MYH13: variants seen among roughly 807,000 people sequenced by gnomAD.
MYH13 encodes myosin-13.
In MYH13, 177 loss-of-function variants were observed where a neutral mutation model predicts 232.1. The ratio of observed to expected loss-of-function variants is 0.76; its 90% confidence interval spans 0.67 to 0.86. The LOEUF (loss-of-function observed/expected upper bound fraction) is 0.86, where lower values mean the gene tolerates loss of function less well. Ranked by LOEUF, MYH13 falls within the 40% of genes least tolerant of loss-of-function variation. The pLI is 0.00. For missense variants in MYH13, 2,246 were observed against 2,405.9 expected (o/e 0.93, Z 1.39); for synonymous variants, 884 against 923.5 (o/e 0.96, Z 0.78).
At chr17:10,354,538 C>T in intron 11 of MYH13, 142 bp downstream of exon 11, 1 of 758,064 alleles carries the variant, frequency 1.3e-6, no homozygotes, top group Non-Finnish European at 2.1e-6. Flanking sequence ...TGCTAATTCT[C>T]TGAGCTCTTG....
intron 12 of MYH13, among the ~76,000 whole-genome samples, chr17:10,348,857 CA>C (rs2071687810): frequency 6.6e-6 from 1 of 152,104 alleles, no homozygotes; most frequent in African/African-American, 2.4e-5. Flanking sequence ...CAAACTGATG[CA>C]AAAATTGTTA....
At chr17:10,312,191 T>G in intron 31 of MYH13, 115 bp from the exon 32 acceptor site, 1 of 1,173,000 alleles carries the variant, frequency 8.5e-7, no homozygotes, top group Non-Finnish European at 1.2e-6. Flanking sequence ...CCTTAGGGAC[T>G]GAAGAAGGAG....
intron 18 of MYH13, among the ~76,000 whole-genome samples, chr17:10,336,974 G>A (rs921148631): frequency 1.6e-4 from 24 of 150,834 alleles, no homozygotes; most frequent in African/African-American, 5.1e-4. Context: ...CTGGAGTGCA[G>A]TGGTGCAGTC....
At position 10,355,125 on chromosome 17, in the gene MYH13, A is replaced by G. The variant is rs766724928; in HGVS notation, c.761T>C (p.Phe254Ser). The change falls in exon 9 of 41, where the codon TTT becomes TCT. Residue 254 changes from phenylalanine (F) to serine (S), a missense_variant. Coordinates refer to ENST00000252172, the MANE Select transcript of MYH13 (RefSeq NM_003802.3). ...CGATGCCAGCTTTCCTGTGGCTCCA[A>G]AATGAATCCGAATGAACTTCCCCTG... ...SRFGKFIRIH[F>S]GATGKLASAD... 5 of 1,585,784 alleles carry G rather than the reference A, an allele frequency of 3.2e-6. No individual in the cohort carries two copies. In the South Asian group the frequency reaches 5.7e-5, roughly 18 times the overall value.
At chr17:10,332,330 A>C in intron 19 of MYH13, 108 bp from the exon 20 acceptor site, 1 of 1,409,638 alleles carries the variant, frequency 7.1e-7, no homozygotes, top group Non-Finnish European at 9.9e-7. Context: ...AGGAAGTGGA[A>C]TACTGTACAG....
At chr17:10,315,614 G>T in intron 29 of MYH13, 79 bp downstream of exon 29, 4 of 1,272,368 alleles carry the variant, frequency 3.1e-6, no homozygotes, top group Non-Finnish European at 4.5e-6. Context: ...TCTTGATGTA[G>T]CACTGCTCTG....
rs1242799506 is a variant in MYH13, at chr17:10,332,030, T to A, written c.2298+69A>T. The A allele has an allele frequency of 3.8e-6, 6 of 1,582,920 alleles. No homozygotes were observed. The African/African-American group carries it at 8.1e-5, about 21-fold the overall frequency. On this transcript the variant is annotated intron_variant, in intron 20 of 40. Transcript: ENST00000252172. ...ACCAAAAGGAGAAGGGGACCCTTTT[T>A]CTGATCAGCTAAGAAGCAGCCCAGG...
Position 10,350,536 on chromosome 17 carries a change from C to A in MYH13, c.1144+20G>T, listed in dbSNP as rs1258389941. On this transcript the variant is annotated intron_variant, in intron 12 of 40. Transcript: ENST00000252172. ...GAACATAGATGGACCCAATCGCATC[C>A]CTTTCCCAGATGCAGTTACCTTCGG... The A allele has an allele frequency of 3.7e-6, 6 of 1,609,456 alleles. No individual in the cohort carries two copies. Among genetic ancestry groups the A allele is most frequent in the Middle Eastern group, 2.1e-4 (1 of 4,730 alleles).
intron 11 of MYH13, 46 bp from the exon 12 acceptor site, chr17:10,350,740 C>T: frequency 6.2e-7 from 1 of 1,610,614 alleles, no homozygotes; most frequent in Non-Finnish European, 8.5e-7. Flanking sequence ...ATCAGGGATC[C>T]ATATGCAGCC....
intron 12 of MYH13, among the ~76,000 whole-genome samples, chr17:10,347,861 G>A (rs1454839541): frequency 1.3e-5 from 2 of 151,896 alleles, no homozygotes; most frequent in African/African-American, 2.4e-5. Context: ...GGGATTACAG[G>A]CACCCACCAC....
rs1049263399 is a variant in MYH13, at chr17:10,304,653, T to C, written c.5467-1155A>G. 6.6e-6 allele frequency among the ~76,000 whole-genome samples: 1 copy of C among 152,216 alleles called. No individual in the cohort carries two copies. The highest frequency in any genetic ancestry group is 6.5e-5 in the Admixed American group (1 of 15,284). ...GCCCACTTGATAGACCCAAAGCAAG[T>C]CAGTCGCCACCACTGAGCATGAGTT... On this transcript the variant is annotated intron_variant, in intron 37 of 40. Coordinates refer to ENST00000252172, the MANE Select transcript of MYH13 (RefSeq NM_003802.3). This position sits in a 1 kb window ranked among gnomAD's most constrained non-coding sequence, Gnocchi z 5.3.
At chr17:10,372,287 C>CCTTCCGTAAAATGAATCAGATGCA (rs1415429774) in intron 1 of MYH13, among the ~76,000 whole-genome samples, 35 of 152,164 alleles carry the variant, frequency 2.3e-4, no homozygotes, top group Non-Finnish European at 3.1e-4. Flanking sequence ...GTTTCTGTTT[C>CCTTCCGTAAAATGAATCAGATGCA]CTTCCGTAAA....
chr17:10,354,072 A>G (rs1333632945), intron 11 of MYH13, among the ~76,000 whole-genome samples: 1 of 152,212 alleles, frequency 6.6e-6, no homozygotes, highest in Non-Finnish European at 1.5e-5. Flanking sequence ...CATAATTTTG[A>G]GACTATAATG....
rs578164269 is a variant in MYH13 at position 10,370,366 on chromosome 17, C to A, written c.-13+843G>T. ...ATAAACTTCACCTTGTTAGATCTGA[C>A]CCAAGTCTCTAGGCATGACTCATGC... is the stretch of plus-strand genomic sequence containing the variant. On this transcript the variant is annotated intron_variant, in intron 2 of 40. Coordinates refer to ENST00000252172, the MANE Select transcript of MYH13 (RefSeq NM_003802.3). Among the ~76,000 whole-genome samples, 50 of 152,304 alleles carry A rather than the reference C, an allele frequency of 3.3e-4. 1 individual carries two copies. Among genetic ancestry groups the A allele is most frequent in the Admixed American group, 2.0e-3 (31 of 15,302 alleles).
chr17:10,319,008 C>T lies in MYH13; in HGVS notation c.3520G>A (p.Glu1174Lys). ...QIEMNKKREA[E>K]FQKMRRDLEE... is the part of the protein sequence containing the mutation. ...AGGTCCCTGCGCATTTTCTGGAACT[C>T]AGCCTCCCTCTTCTTGTTCATCTCA... Residue 1174 changes from glutamate (E) to lysine (K), a missense_variant, in exon 27 of 41, where the codon GAG becomes AAG. Transcript: ENST00000252172. 2 of 1,614,136 alleles carry T rather than the reference C, an allele frequency of 1.2e-6. No homozygotes were observed. Among genetic ancestry groups the T allele is most frequent in the Non-Finnish European group, 1.7e-6 (2 of 1,180,040 alleles).
At chr17:10,322,627 G>GTTTTTT (rs1470854182) in intron 23 of MYH13, among the ~76,000 whole-genome samples, 2 of 130,850 alleles carry the variant, frequency 1.5e-5, no homozygotes, top group Non-Finnish European at 3.2e-5. Context: ...CAATGTTACA[G>GTTTTTT]TTGTTTTTTT....
At chr17:10,334,165 CA>C (rs1555550598) in intron 18 of MYH13, among the ~76,000 whole-genome samples, 3 of 152,122 alleles carry the variant, frequency 2.0e-5, no homozygotes, top group South Asian at 4.1e-4. Flanking sequence ...GGTTAGAGGA[CA>C]GGGGCTACGG....
rs1164342553 is a variant in MYH13, at chr17:10,303,492, C to T, written c.5473G>A (p.Glu1825Lys). ...QIQKLENRVR[E>K]LENELDVEQK... ...TCCACATCAAGCTCATTTTCCAGCT[C>T]CCGCACCTGAGTAGGATGAAAGGAA... Residue 1825 changes from glutamate to lysine, a missense_variant, in exon 38 of 41, where the codon GAG (glutamate) becomes AAG (lysine). By Grantham distance (56) the Glu-to-Lys change is moderately conservative. Coordinates refer to ENST00000252172, the MANE Select transcript of MYH13 (RefSeq NM_003802.3). 2 of 1,613,854 alleles carry T rather than the reference C, an allele frequency of 1.2e-6. No homozygotes were observed. Among genetic ancestry groups the T allele is most frequent in the East Asian group, 2.2e-5 (1 of 44,886 alleles).
chr17:10,353,521 A>T (rs1335112430), intron 11 of MYH13, among the ~76,000 whole-genome samples: 2 of 152,110 alleles, frequency 1.3e-5, no homozygotes, highest in Non-Finnish European at 2.9e-5. Context: ...CAGACGGTAT[A>T]CTTTAATTAA....
Sources: allele counts gnomAD v4.1 joint callset (sites outside exome capture counted in the v4.1 genomes callset), GRCh38; gene constraint gnomAD v4.1.1; non-coding constraint Gnocchi (gnomAD v3.1); transcripts MANE v1.5; gene names NCBI Gene and HGNC (gene_info 2026-07-23, HGNC 2026-07-21).